The following ADGRV1 variants were observed in gnomAD, a reference collection of about 807,000 sequenced individuals.
ADGRV1 encodes G-protein coupled receptor 98.
Under a neutral mutation model 596.2 loss-of-function variants are expected in ADGRV1, and 359 were observed. The observed-to-expected ratio is 0.60, with a 90% CI of 0.55 to 0.66. The LOEUF is 0.66. Ranked by LOEUF, ADGRV1 falls within the 30% of genes least tolerant of loss-of-function variation. ADGRV1 has a pLI of 0.00. For synonymous variants in ADGRV1, 2,681 were observed against 2,679.2 expected, an observed-to-expected ratio of 1.00 and a Z score of -0.02; for missense variants, 7,274 against 7,575.6, an observed-to-expected ratio of 0.96 and a Z score of 1.48.
intron 89 of ADGRV1, among the ~76,000 whole-genome samples, chr5:91,155,698 T>G (rs541412456): frequency 1.3e-5 from 2 of 152,342 alleles, no homozygotes; most frequent in African/African-American, 4.8e-5. Flanking sequence ...ACTGATACTT[T>G]GCATAATATT....
chr5:90,706,327 C>T lies in ADGRV1; in HGVS notation c.8663C>T (p.Pro2888Leu). ...GCAGAGCCAGAAGTTGATTTTGTCC[C>T]TATCATTGGCTTTCTGATTTTAGAA... Reference protein sequence around the residue: ...NLAEPEVDFVPIIGFLILEEG... With the variant: ...NLAEPEVDFVLIIGFLILEEG... The change falls in exon 38 of 90, where the codon CCT becomes CTT. Residue 2888 changes from proline (P) to leucine (L), a missense_variant. Around this residue, in one of 5 missense-constraint regions of ADGRV1, gnomAD observed 3,643 missense variants for 3,809.2 expected, o/e 0.96. Transcript: ENST00000405460. The T allele has an allele frequency of 6.2e-7, 1 of 1,613,066 alleles. No individual in the cohort carries two copies. Among genetic ancestry groups the T allele is most frequent in the South Asian group, 1.1e-5 (1 of 90,876 alleles).
At chr5:90,753,480 A>C in intron 53 of ADGRV1, 94 bp from the exon 54 acceptor site, 1 of 854,262 alleles carries the variant, frequency 1.2e-6, no homozygotes, top group Non-Finnish European at 1.8e-6. Flanking sequence ...TATTTAAGTT[A>C]TAGGTTTAAT....
Position 91,102,269 on chromosome 5 carries a change from TG to T in ADGRV1, c.18365del (p.Gly6122GlufsTer42). 1 of 1,611,180 alleles carries T rather than the reference TG, an allele frequency of 6.2e-7. No individual in the cohort carries two copies. The highest frequency in any genetic ancestry group is 8.5e-7 in the Non-Finnish European group (1 of 1,178,322). On this transcript the variant is annotated frameshift_variant, in exon 87 of 90. Transcript: ENST00000405460. LOFTEE classifies it high-confidence loss of function. ...TGCTCTGATTTCCGTGACATGGCTT[TG>T]GGGAGGACTACACATGGCCTACAGA... ...LFALISVTWL[W>X]GGLHMAYRHF...
intron 87 of ADGRV1, among the ~76,000 whole-genome samples, chr5:91,110,521 T>C (rs1408431925): frequency 6.6e-6 from 1 of 152,172 alleles, no homozygotes; most frequent in Non-Finnish European, 1.5e-5. Context: ...TGAAATATTC[T>C]TTTTAACCTG....
chr5:90,710,936 T>C (rs542316435), intron 39 of ADGRV1, 45 bp from the exon 40 acceptor site: 1 of 1,138,988 alleles, frequency 8.8e-7, no homozygotes, highest in Admixed American at 2.0e-5. Context: ...AAAATATTTT[T>C]AATCATTTAT....
At chr5:90,816,138 C>A (rs967730463) in intron 75 of ADGRV1, among the ~76,000 whole-genome samples, 1 of 152,104 alleles carries the variant, frequency 6.6e-6, no homozygotes, top group Non-Finnish European at 1.5e-5. Flanking sequence ...CACACATGCA[C>A]ATGTGTATAT....
intron 87 of ADGRV1, among the ~76,000 whole-genome samples, chr5:91,104,037 G>C (rs183169937): frequency 3.3e-5 from 5 of 152,268 alleles, no homozygotes; most frequent in Admixed American, 6.5e-5. Flanking sequence ...TAAGCAAGGG[G>C]AAGCCATCGA....
At chr5:90,678,746 A>G (rs561821466) in intron 25 of ADGRV1, among the ~76,000 whole-genome samples, 1 of 151,386 alleles carries the variant, frequency 6.6e-6, no homozygotes, top group Non-Finnish European at 1.5e-5. Context: ...CACTCCCAGG[A>G]TAACAACATT....
chr5:90,656,313 C>T (rs1012366528), intron 20 of ADGRV1, among the ~76,000 whole-genome samples: 13 of 152,090 alleles, frequency 8.5e-5, no homozygotes, highest in Non-Finnish European at 1.3e-4. Context: ...TAAATAAATT[C>T]GCTAGCATCA....
At chr5:90,974,680 A>G (rs1779390241) in intron 84 of ADGRV1, among the ~76,000 whole-genome samples, 1 of 152,200 alleles carries the variant, frequency 6.6e-6, no homozygotes, top group African/African-American at 2.4e-5. Context: ...CCTTCCTTAC[A>G]CCTTATACAA....
At chr5:90,846,919 C>G (rs1399590584) in intron 78 of ADGRV1, among the ~76,000 whole-genome samples, 1 of 152,166 alleles carries the variant, frequency 6.6e-6, no homozygotes, top group Non-Finnish European at 1.5e-5. Flanking sequence ...TTTATAATCC[C>G]TGAGCTAGAC....
In ADGRV1 at chr5:90,840,907, G is replaced by C. The variant is rs766269339; in HGVS notation, c.16941G>C (p.Val5647=). Residue 5647 remains valine, a synonymous_variant, in exon 78 of 90, where the codon GTG becomes GTC. Transcript: ENST00000405460. ...TGAATGATGATATTCTCAACAGAGT[G>C]CTCCATACCATCAGCATGAAAGTGG... The part of the protein sequence containing the change: ...QPVNDDILNR[V]LHTISMKVAT... 1.9e-6 allele frequency: 3 copies of C among 1,562,056 alleles called. No homozygotes were observed. The highest frequency in any genetic ancestry group is 2.6e-6 in the Non-Finnish European group (3 of 1,150,950).
Position 90,823,462 on chromosome 5 carries a change from C to A in ADGRV1, c.16234C>A (p.Leu5412Ile), listed in dbSNP as rs1561805868. The A allele has an allele frequency of 6.2e-7, 1 of 1,613,840 alleles. No homozygotes were observed. ...EDVKVFWRVT[L>I]NKTVVVLQKD... ...TGTCAAGGTCTTTTGGCGAGTCACA[C>A]TTAACAAAACAGTCGTCGTGCTCCA... Residue 5412 changes from leucine to isoleucine, a missense_variant, in exon 76 of 90, where the codon CTT becomes ATT. By Grantham distance (5) the Leu-to-Ile change is conservative. This residue lies in a region of ADGRV1 where 1,874 missense variants were observed against 1,970.2 expected (regional missense o/e 0.95). Coordinates refer to ENST00000405460, the MANE Select transcript of ADGRV1 (RefSeq NM_032119.4).
intron 83 of ADGRV1, among the ~76,000 whole-genome samples, chr5:90,939,310 T>C (rs1561972832): frequency 6.6e-6 from 1 of 152,216 alleles, no homozygotes; most frequent in Admixed American, 6.5e-5. Flanking sequence ...AAAGCAGTTT[T>C]AGGGTATTAG....
rs76988837 is a variant in ADGRV1, at chr5:90,756,422, A to G, written c.11581-32A>G. The G allele has an allele frequency of 5.6e-6, 8 of 1,434,896 alleles. No individual in the cohort carries two copies. In the Admixed American group the frequency reaches 1.5e-4, roughly 26 times the overall value. The allele number at this position is 1,434,896 out of a possible 1,614,324, so 88.9% of individuals were successfully genotyped here. On this transcript the variant is annotated intron_variant, in intron 55 of 89. Coordinates refer to ENST00000405460, the MANE Select transcript of ADGRV1 (RefSeq NM_032119.4). ...TGCAAGTTAAATGTCTTAAAAAAAAATGAAACACCATCTTTTTCCCCCATC... is the reference window on the plus strand; with the variant it reads ...TGCAAGTTAAATGTCTTAAAAAAAAGTGAAACACCATCTTTTTCCCCCATC...
chr5:90,685,988 A>G lies in ADGRV1; in HGVS notation c.6483A>G (p.Ala2161=). The change falls in exon 29 of 90, where the codon GCA becomes GCG. Residue 2161 remains alanine (A), a synonymous_variant. Transcript: ENST00000405460. The part of the protein sequence containing the change: ...SVKFKAVPIT[A]IAGEDYSIAS... Reference sequence around the variant, plus strand: ...AGTTTAAAGCTGTGCCAATAACTGCAATAGCTGGTAAGAAAAGACATCTAA... The same window carrying G: ...AGTTTAAAGCTGTGCCAATAACTGCGATAGCTGGTAAGAAAAGACATCTAA... 6.4e-7 allele frequency: 1 copy of G among 1,572,842 alleles called. No homozygotes were observed. The highest frequency in any genetic ancestry group is 8.7e-7 in the Non-Finnish European group (1 of 1,155,554).
At chr5:90,808,833 T>G (rs1303213434) in intron 73 of ADGRV1, among the ~76,000 whole-genome samples, 1 of 151,694 alleles carries the variant, frequency 6.6e-6, no homozygotes, top group African/African-American at 2.4e-5. Flanking sequence ...GAGGCAGAGG[T>G]TGCAATGAAC....
intron 85 of ADGRV1, among the ~76,000 whole-genome samples, chr5:91,013,071 T>C (rs1031041921): frequency 6.6e-6 from 1 of 152,158 alleles, no homozygotes; most frequent in Non-Finnish European, 1.5e-5. Flanking sequence ...TTCTTTTTTA[T>C]GGCTATATAG....
Position 90,881,259 on chromosome 5 carries a change from G to T in ADGRV1, c.17856+17402G>T, listed in dbSNP as rs1769739157. The stretch of plus-strand genomic sequence containing the variant: ...AAATTGAATGATGCGTTCCAGGAAG[G>T]GTTTGCATTTGCTCATTATTTCTGG... On this transcript the variant is annotated intron_variant, in intron 83 of 89. Transcript: ENST00000405460. Among the ~76,000 whole-genome samples, 3 of 152,146 alleles carry T rather than the reference G, an allele frequency of 2.0e-5. No homozygotes were observed. In the South Asian group the frequency reaches 6.2e-4, roughly 31 times the overall value.
Sources: gnomAD v4.1 joint callset for allele counts (sites outside exome capture counted in the v4.1 genomes callset) on GRCh38, gnomAD v4.1.1 for gene constraint, gnomAD v4.1.1 regional missense constraint, MANE v1.5 for transcripts, NCBI Gene and HGNC (gene_info 2026-07-23, HGNC 2026-07-21) for gene names.